ADAMTS15: variants seen among roughly 807,000 people sequenced by gnomAD.
The protein encoded by ADAMTS15 is A disintegrin and metalloproteinase with thrombospondin motifs 15.
A neutral mutation model predicts 79.1 loss-of-function variants in ADAMTS15; 35 were observed. That is an observed-to-expected ratio of 0.44 (90% CI 0.34 to 0.59). ADAMTS15 has a LOEUF of 0.59. Among genes scored for constraint, ADAMTS15 ranks in the 20% least tolerant of loss-of-function variants. The pLI, the probability that ADAMTS15 is intolerant of heterozygous loss-of-function variation, is 0.02. For synonymous variants in ADAMTS15, 616 were observed against 567.3 expected (o/e 1.09, Z -1.22); for missense variants, 1,324 against 1,318.7 (o/e 1.00, Z -0.06).
At chr11:130,450,335 T>C in intron 1 of ADAMTS15, 1 of 985,450 alleles carries the variant, frequency 1.0e-6, no homozygotes, top group East Asian at 1.1e-4. Flanking sequence ...GGCTGAGTCT[T>C]CTCGGACACC....
intron 4 of ADAMTS15, among the ~76,000 whole-genome samples, chr11:130,468,562 G>A (rs1201380013): frequency 3.3e-5 from 5 of 151,798 alleles, no homozygotes; most frequent in East Asian, 1.9e-4. Flanking sequence ...TCAGGAGATC[G>A]AGACCTTCCT....
chr11:130,461,662 C>T, intron 2 of ADAMTS15, 41 bp downstream of exon 2: 2 of 1,609,892 alleles, frequency 1.2e-6, no homozygotes, highest in Non-Finnish European at 1.7e-6. Context: ...TCTGGGTTTG[C>T]CTGGGGAGCC....
At chr11:130,464,186 C>T (rs922693948) in intron 4 of ADAMTS15, among the ~76,000 whole-genome samples, 1 of 152,088 alleles carries the variant, frequency 6.6e-6, no homozygotes, top group Admixed American at 6.5e-5. Flanking sequence ...GCCAGTGCCT[C>T]GTCCTGAGAA....
At position 130,473,345 on chromosome 11, in the gene ADAMTS15, C is replaced by A. The variant is rs775776542; in HGVS notation, c.2377C>A (p.Arg793=). 2.6e-5 allele frequency: 42 copies of A among 1,612,778 alleles called. No individual in the cohort carries two copies. Among genetic ancestry groups the A allele is most frequent in the Non-Finnish European group, 3.6e-5 (42 of 1,180,004 alleles). Residue 793 remains arginine, a synonymous_variant, in exon 8 of 8, where the codon CGG becomes AGG. Coordinates refer to ENST00000299164, the MANE Select transcript of ADAMTS15 (RefSeq NM_139055.4). ...CTCCGTGGGGAAGATGACACCGCCC[C>A]GGGTCCGCTACTCCTTCTATCTGCC... is the stretch of plus-strand genomic sequence containing the variant. ...VLSVGKMTPP[R]VRYSFYLPKE...
chr11:130,469,501 C>T, intron 5 of ADAMTS15, 62 bp downstream of exon 5: 2 of 1,234,296 alleles, frequency 1.6e-6, no homozygotes, highest in Non-Finnish European at 2.1e-6. Flanking sequence ...GGTCCCCCCA[C>T]CCCACCCCTA....
chr11:130,464,148 A>G (rs956164136), intron 4 of ADAMTS15, among the ~76,000 whole-genome samples: 1 of 152,232 alleles, frequency 6.6e-6, no homozygotes, highest in Non-Finnish European at 1.5e-5. Flanking sequence ...GCCAGGCACT[A>G]GAAGGTCCTG....
intron 1 of ADAMTS15, among the ~76,000 whole-genome samples, chr11:130,456,916 G>A (rs975783035): frequency 3.3e-5 from 5 of 152,180 alleles, no homozygotes; most frequent in Non-Finnish European, 5.9e-5. Flanking sequence ...ATGAGAATGC[G>A]TATGTCTTCT....
chr11:130,469,440 G>A lies in ADAMTS15; in HGVS notation c.1720+1G>A, dbSNP rs1938376902. ...AATCTGGAGCCCTGCCCCAGCTCAGGTGAGGTGGGGAGAGCAGTGGTGGCC... is the reference window on the plus strand; with the variant it reads ...AATCTGGAGCCCTGCCCCAGCTCAGATGAGGTGGGGAGAGCAGTGGTGGCC... On this transcript the variant is annotated splice_donor_variant, in intron 5 of 7. Transcript: ENST00000299164. LOFTEE classifies it high-confidence loss of function. The A allele has an allele frequency of 1.0e-5, 14 of 1,335,942 alleles. No individual in the cohort carries two copies. Among genetic ancestry groups the A allele is most frequent in the Non-Finnish European group, 1.4e-5 (14 of 1,034,782 alleles). 82.8% of individuals were successfully genotyped at this position (1,335,942 alleles called of 1,614,324 possible).
At chr11:130,452,771 A>C (rs1279977897) in intron 1 of ADAMTS15, among the ~76,000 whole-genome samples, 1 of 152,136 alleles carries the variant, frequency 6.6e-6, no homozygotes, top group African/African-American at 2.4e-5. Flanking sequence ...TCATGAGGTC[A>C]AGAGATCAAG....
chr11:130,452,516 C>G (rs1474858327), intron 1 of ADAMTS15, among the ~76,000 whole-genome samples: 2 of 152,244 alleles, frequency 1.3e-5, no homozygotes, highest in Non-Finnish European at 2.9e-5. Context: ...TAGGCCCTCC[C>G]TCATTCCCTG....
At position 130,449,117 on chromosome 11, in the gene ADAMTS15, C is replaced by T. The variant is rs979998661; in HGVS notation, c.144C>T (p.Ser48=). 14 of 1,589,282 alleles carry T rather than the reference C, an allele frequency of 8.8e-6. No individual in the cohort carries two copies. The highest frequency in any genetic ancestry group is 6.9e-5 in the Admixed American group (4 of 58,286). The stretch of plus-strand genomic sequence containing the variant: ...ACTACTGGCGGGGTCCCGAGGACTC[C>T]GGGGATCAGGGACTCATTTTTCAGA... ...RRYYWRGPED[S]GDQGLIFQIT... is the part of the protein sequence containing the mutation. Residue 48 remains serine, a synonymous_variant, in exon 1 of 8, where the codon TCC becomes TCT. Coordinates refer to ENST00000299164, the MANE Select transcript of ADAMTS15 (RefSeq NM_139055.4). This position sits in a 1 kb window ranked among gnomAD's most constrained non-coding sequence, Gnocchi z 7.8.
At chr11:130,463,343 C>T (rs1334409899) in intron 4 of ADAMTS15, among the ~76,000 whole-genome samples, 1 of 152,242 alleles carries the variant, frequency 6.6e-6, no homozygotes, top group African/African-American at 2.4e-5. Flanking sequence ...TTGAATAATA[C>T]TTGTTTTCCC....
In ADAMTS15 at chr11:130,449,801, C is replaced by T; in HGVS notation, c.828C>T (p.Asp276=). 6.2e-7 allele frequency: 1 copy of T among 1,611,796 alleles called. No individual in the cohort carries two copies. The highest frequency in any genetic ancestry group is 8.5e-7 in the Non-Finnish European group (1 of 1,180,042). ...AGGTGCTGCTTCTTAGAGATCGTGA[C>T]TCCGGGCCCAAGGTCACCGGCAATG... ...VVKVLLLRDR[D]SGPKVTGNAA... The change falls in exon 1 of 8, where the codon GAC becomes GAT. Residue 276 remains aspartate (D), a synonymous_variant. Coordinates refer to ENST00000299164, the MANE Select transcript of ADAMTS15 (RefSeq NM_139055.4). This position sits in a 1 kb window ranked among gnomAD's most constrained non-coding sequence, Gnocchi z 7.8.
At position 130,471,398 on chromosome 11, in the gene ADAMTS15, C is replaced by T. The variant is rs1938456004; in HGVS notation, c.2078+15C>T. ...ACCAAGCCCATGTGAGTTCTGGGCC[C>T]TGAAGGTCCTGCCAGGGAGCAAAGG... On this transcript the variant is annotated intron_variant, in intron 7 of 7. Transcript: ENST00000299164. 6.3e-7 allele frequency: 1 copy of T among 1,594,904 alleles called. No individual in the cohort carries two copies.
In ADAMTS15 at chr11:130,471,254, T is replaced by C. The variant is rs767864067; in HGVS notation, c.1949T>C (p.Val650Ala). The C allele has an allele frequency of 1.2e-6, 2 of 1,612,094 alleles. No homozygotes were observed. Among genetic ancestry groups the C allele is most frequent in the Non-Finnish European group, 1.7e-6 (2 of 1,179,454 alleles). The change falls in exon 7 of 8, where the codon GTC (valine) becomes GCC (alanine). Residue 650 changes from valine to alanine, a missense_variant. Transcript: ENST00000299164. ...TCTCCTGACTCCACCTCCGTCTGTG[T>C]CCAAGGCAAGTGCATCAAGGCTGGC... ...LCSPDSTSVCVQGKCIKAGCD... is the reference protein window; with the variant it reads ...LCSPDSTSVCAQGKCIKAGCD...
chr11:130,454,133 T>A (rs1047267145), intron 1 of ADAMTS15, among the ~76,000 whole-genome samples: 12 of 152,314 alleles, frequency 7.9e-5, no homozygotes, highest in African/African-American at 2.9e-4. Flanking sequence ...TGTTTGTTTG[T>A]TTTTTTCCTG....
At chr11:130,450,015 C>T (rs1286413612) in intron 1 of ADAMTS15, 85 bp downstream of exon 1, 1 of 1,531,194 alleles carries the variant, frequency 6.5e-7, no homozygotes, top group African/African-American at 1.4e-5. Flanking sequence ...CCCTTTGTAT[C>T]GTGCAATGCC....
In ADAMTS15 at chr11:130,473,290, C is replaced by T; in HGVS notation, c.2322C>T (p.Pro774=). The change falls in exon 8 of 8, where the codon CCC becomes CCT. Residue 774 remains proline (P), a synonymous_variant. Transcript: ENST00000299164. ...TGGAGAGCCTGCAGGCTTCCCGGCC[C>T]ATCCTGGAGCCGCTGACCGTGGAGG... The part of the protein sequence containing the change: ...TAVESLQASR[P]ILEPLTVEVL... The T allele has an allele frequency of 6.2e-7, 1 of 1,613,214 alleles. No individual in the cohort carries two copies.
chr11:130,450,388 C>T, intron 1 of ADAMTS15: 1 of 985,476 alleles, frequency 1.0e-6, no homozygotes, highest in African/African-American at 1.7e-5. Flanking sequence ...GAAGGTGATC[C>T]AAGGTCAGCG....
Sources: allele counts gnomAD v4.1 joint callset (sites outside exome capture counted in the v4.1 genomes callset), GRCh38; gene constraint gnomAD v4.1.1; non-coding constraint Gnocchi (gnomAD v3.1); transcripts MANE v1.5; gene names NCBI Gene and HGNC (gene_info 2026-07-23, HGNC 2026-07-21).